SPECC1L: variants seen among roughly 807,000 people sequenced by gnomAD.
The protein encoded by SPECC1L is sperm antigen with calponin homology and coiled-coil domains 1 like.
A neutral mutation model predicts 116.8 loss-of-function variants in SPECC1L; 40 were observed. The ratio of observed to expected loss-of-function variants is 0.34; its 90% confidence interval spans 0.27 to 0.45. The LOEUF is 0.45. SPECC1L is among the 20% of genes least tolerant of loss of function. The pLI is 1.00. For synonymous variants in SPECC1L, 504 were observed against 500.6 expected, an observed-to-expected ratio of 1.01 and a Z score of -0.09; for missense variants, 1,110 against 1,373.6, an observed-to-expected ratio of 0.81 and a Z score of 3.03.
At chr22:24,298,745 T>G (rs538792861) in intron 2 of SPECC1L, among the ~76,000 whole-genome samples, 30 of 152,348 alleles carry the variant, frequency 2.0e-4, no homozygotes, top group Non-Finnish European at 3.7e-4. Context: ...GCCTTTTTGT[T>G]TTATTCAGGT....
At chr22:24,347,758 C>T (rs1357836810) in intron 11 of SPECC1L, among the ~76,000 whole-genome samples, 1 of 152,080 alleles carries the variant, frequency 6.6e-6, no homozygotes, top group Non-Finnish European at 1.5e-5. Flanking sequence ...TCACTGCAAC[C>T]TCTGCCTCCC....
At chr22:24,378,276 A>T (rs757836883) in intron 14 of SPECC1L, among the ~76,000 whole-genome samples, 5 of 152,222 alleles carry the variant, frequency 3.3e-5, no homozygotes. Context: ...CAATCTCAGC[A>T]TTTATAGAAT....
intron 2 of SPECC1L, among the ~76,000 whole-genome samples, chr22:24,280,673 G>A (rs1275110672): frequency 6.6e-6 from 1 of 151,428 alleles, no homozygotes; most frequent in African/African-American, 2.4e-5. Context: ...GACTTCCCAG[G>A]CTCAAGTGAT....
At chr22:24,325,601 A>C (rs2040805452) in intron 6 of SPECC1L, among the ~76,000 whole-genome samples, 1 of 151,866 alleles carries the variant, frequency 6.6e-6, no homozygotes. Flanking sequence ...AGTAATAAAA[A>C]TGTAGTGCCG....
At chr22:24,330,939 A>C (rs151103274) in intron 8 of SPECC1L, among the ~76,000 whole-genome samples, 1 of 152,244 alleles carries the variant, frequency 6.6e-6, no homozygotes, top group Non-Finnish European at 1.5e-5. Flanking sequence ...TGCTCAGGGC[A>C]ATGATCAGTA....
In SPECC1L at chr22:24,330,297, G is replaced by C; in HGVS notation, c.2262G>C (p.Gln754His). ...GGCGGCAGTTTCAGGCTGATCTCCA[G>C]ACTGCAGTAGTCATTGCAAATGACA... ...AEWRQFQADL[Q>H]TAVVIANDIK... Residue 754 changes from glutamine to histidine, a missense_variant, in exon 8 of 17, where the codon CAG becomes CAC. Transcript: ENST00000314328. 1 of 1,614,144 alleles carries C rather than the reference G, an allele frequency of 6.2e-7. No homozygotes were observed. Among genetic ancestry groups the C allele is most frequent in the Non-Finnish European group, 8.5e-7 (1 of 1,180,030 alleles).
chr22:24,308,075 G>A (rs760538743), intron 3 of SPECC1L, among the ~76,000 whole-genome samples: 7 of 151,502 alleles, frequency 4.6e-5, no homozygotes, highest in Middle Eastern at 3.2e-3. Context: ...TTTGGGGGTG[G>A]GGGGGCTGTT....
At chr22:24,301,068 A>G (rs1317573126) in intron 2 of SPECC1L, among the ~76,000 whole-genome samples, 1 of 152,226 alleles carries the variant, frequency 6.6e-6, no homozygotes, top group Non-Finnish European at 1.5e-5. Context: ...AAAGACTTCC[A>G]TGACAGAAAC....
At chr22:24,329,666 G>A (rs568973341) in intron 7 of SPECC1L, among the ~76,000 whole-genome samples, 19 of 152,210 alleles carry the variant, frequency 1.2e-4, no homozygotes, top group East Asian at 5.8e-4. Context: ...TTCCCCACCC[G>A]GCCACACCCG....
intron 9 of SPECC1L, among the ~76,000 whole-genome samples, chr22:24,335,445 T>C (rs953363839): frequency 2.6e-5 from 4 of 152,228 alleles, no homozygotes; most frequent in African/African-American, 9.6e-5. Flanking sequence ...AGCTGGGCTT[T>C]CTTTCATACA....
At chr22:24,308,592 C>T (rs1043933390) in intron 3 of SPECC1L, among the ~76,000 whole-genome samples, 6 of 152,178 alleles carry the variant, frequency 3.9e-5, no homozygotes, top group East Asian at 3.8e-4. Context: ...TTACTGTGTT[C>T]GCTCTTGTAA....
intron 3 of SPECC1L, among the ~76,000 whole-genome samples, chr22:24,310,886 G>A (rs538993222): frequency 6.6e-6 from 1 of 152,000 alleles, no homozygotes; most frequent in South Asian, 2.1e-4. Flanking sequence ...TCAAGTCTTT[G>A]TTTTATAATT....
At chr22:24,340,455 G>T (rs983427335) in intron 10 of SPECC1L, among the ~76,000 whole-genome samples, 1 of 152,050 alleles carries the variant, frequency 6.6e-6, no homozygotes, top group African/African-American at 2.4e-5. Flanking sequence ...CTGATTTAAT[G>T]CTTTTTTTAT....
intron 14 of SPECC1L, among the ~76,000 whole-genome samples, chr22:24,389,611 A>T (rs2042227878): frequency 6.9e-6 from 1 of 144,164 alleles, no homozygotes; most frequent in African/African-American, 2.6e-5. Flanking sequence ...ATTCTTTTTT[A>T]TTTTCCCTAC....
chr22:24,347,233 C>T, intron 11 of SPECC1L, 57 bp downstream of exon 11: 2 of 1,347,336 alleles, frequency 1.5e-6, no homozygotes, highest in Non-Finnish European at 2.1e-6. Context: ...ATTGTTCTGG[C>T]TTTTTTGGCA....
At chr22:24,305,584 C>T (rs2049477263) in intron 3 of SPECC1L, among the ~76,000 whole-genome samples, 2 of 152,036 alleles carry the variant, frequency 1.3e-5, no homozygotes, top group Admixed American at 1.3e-4. Context: ...CTACTATTGG[C>T]AGACTTTTGG....
Position 24,328,870 on chromosome 22 carries a change from A to G in SPECC1L, c.2171A>G (p.Gln724Arg). 1.9e-6 allele frequency: 3 copies of G among 1,613,582 alleles called. No homozygotes were observed. The highest frequency in any genetic ancestry group is 2.5e-6 in the Non-Finnish European group (3 of 1,179,582). Reference protein sequence around the residue: ...LENTVKKLQDQKHDMEREIKT... With the variant: ...LENTVKKLQDRKHDMEREIKT... ...GATACAGTTAAAAAACTCCAGGACC[A>G]AAAGCACGACATGGAAAGAGAAATA... is the stretch of plus-strand genomic sequence containing the variant. The change falls in exon 7 of 17, where the codon CAA (glutamine) becomes CGA (arginine). Residue 724 changes from glutamine to arginine, a missense_variant. Around this residue, in one of 4 missense-constraint regions of SPECC1L, gnomAD observed 575 missense variants for 682.4 expected, o/e 0.84. Transcript: ENST00000314328.
At chr22:24,295,930 A>T (rs2049252647) in intron 2 of SPECC1L, among the ~76,000 whole-genome samples, 1 of 152,188 alleles carries the variant, frequency 6.6e-6, no homozygotes, top group Non-Finnish European at 1.5e-5. Context: ...ACTGGGGGAG[A>T]AGAGCAAGAC....
At chr22:24,409,151 A>G (rs1436968719) in intron 14 of SPECC1L, among the ~76,000 whole-genome samples, 1 of 152,268 alleles carries the variant, frequency 6.6e-6, no homozygotes, top group Non-Finnish European at 1.5e-5. Flanking sequence ...AGTTAATAAT[A>G]TAATGATAAT....
Sources: gnomAD v4.1 joint callset for allele counts (sites outside exome capture counted in the v4.1 genomes callset) on GRCh38, gnomAD v4.1.1 for gene constraint, gnomAD v4.1.1 regional missense constraint, MANE v1.5 for transcripts, NCBI Gene and HGNC (gene_info 2026-07-23, HGNC 2026-07-21) for gene names.